The following FANCA variants were observed in gnomAD, a reference collection of about 807,000 sequenced individuals.
FANCA encodes FA complementation group A.
Under a neutral mutation model 194.3 loss-of-function variants are expected in FANCA, and 236 were observed. The observed-to-expected ratio is 1.21, with a 90% CI of 1.09 to 1.35. The LOEUF (loss-of-function observed/expected upper bound fraction) is 1.35. Among genes scored for constraint, FANCA ranks in the 40% most tolerant of loss-of-function variants. The probability of loss-of-function intolerance (pLI) is 0.00; values close to 1 mark genes in which losing one functional copy is unlikely to be tolerated. For missense variants in FANCA, 2,628 were observed against 1,813.9 expected (o/e 1.45, Z -8.15); for synonymous variants, 1,014 against 715.8 (o/e 1.42, Z -6.65).
chr16:89,807,255 G>A (rs1022289300), intron 6 of FANCA, among the ~76,000 whole-genome samples: 5 of 147,500 alleles, frequency 3.4e-5, no homozygotes, highest in East Asian at 2.0e-4. Context: ...TCAGGAGTTC[G>A]AGACCAGCCT....
At position 89,749,743 on chromosome 16, in the gene FANCA, G is replaced by T; in HGVS notation, c.3226C>A (p.Leu1076Ile). ...AASLQRQREL[L>I]MYKRILLRLP... ...AGTAGGTGTTACCGTTTGTACATTA[G>T]CAGCTCCCTCTGTCTCTGAAGGCTG... Residue 1076 changes from leucine to isoleucine, a missense_variant, in exon 32 of 43, where the codon CTA becomes ATA. By Grantham distance (5) the Leu-to-Ile change is conservative. Transcript: ENST00000389301. 1.2e-6 allele frequency: 2 copies of T among 1,613,990 alleles called. No individual in the cohort carries two copies. The highest frequency in any genetic ancestry group is 2.2e-5 in the South Asian group (2 of 91,052).
At chr16:89,774,558 G>T (rs1039849894) in intron 21 of FANCA, among the ~76,000 whole-genome samples, 2 of 151,142 alleles carry the variant, frequency 1.3e-5, no homozygotes, top group African/African-American at 4.9e-5. Context: ...GTGAAACCCT[G>T]TCTCTACTAA....
intron 6 of FANCA, among the ~76,000 whole-genome samples, chr16:89,806,991 C>A (rs2040679470): frequency 6.6e-6 from 1 of 152,078 alleles, no homozygotes; most frequent in African/African-American, 2.4e-5. Flanking sequence ...GACTCCCCCA[C>A]CTCCCTCCCG....
chr16:89,741,772 T>C (rs1050482834), intron 37 of FANCA, among the ~76,000 whole-genome samples: 5 of 152,172 alleles, frequency 3.3e-5, no homozygotes, highest in African/African-American at 9.7e-5. Context: ...AGGTCTGAGC[T>C]GTCTCACTGC....
chr16:89,792,195 G>A lies in FANCA; in HGVS notation c.1084-127C>T, dbSNP rs1371801657. The A allele has an allele frequency of 1.2e-5, 14 of 1,142,808 alleles. No individual in the cohort carries two copies. In the South Asian group the frequency reaches 1.5e-4, roughly 12 times the overall value. The allele number at this position is 1,142,808 out of a possible 1,614,324, so 70.8% of individuals were successfully genotyped here. On this transcript the variant is annotated intron_variant, in intron 12 of 42. Coordinates refer to ENST00000389301, the MANE Select transcript of FANCA (RefSeq NM_000135.4). ...CTTCCCACTGCAAAGGTAACACATG[G>A]AGCTGTGACAGCTCACACCGTGGCG...
intron 7 of FANCA, among the ~76,000 whole-genome samples, chr16:89,804,975 G>T (rs1377088591): frequency 1.3e-5 from 2 of 152,202 alleles, no homozygotes; most frequent in Non-Finnish European, 2.9e-5. Flanking sequence ...GGCGGAGGTT[G>T]CAGTGAGCTG....
At chr16:89,808,543 G>A (rs1038161723) in intron 5 of FANCA, among the ~76,000 whole-genome samples, 176 bp from the exon 6 acceptor site, 2 of 152,158 alleles carry the variant, frequency 1.3e-5, no homozygotes, top group African/African-American at 2.4e-5. Flanking sequence ...TTACAAAGCT[G>A]TACTGGTTTT....
chr16:89,766,630 G>A (rs993583163), intron 27 of FANCA, among the ~76,000 whole-genome samples: 3 of 151,868 alleles, frequency 2.0e-5, no homozygotes, highest in African/African-American at 7.3e-5. Context: ...CAGGAGAACT[G>A]CCTGAACCCG....
intron 4 of FANCA, 53 bp from the exon 5 acceptor site, chr16:89,810,855 A>C: frequency 1.2e-6 from 2 of 1,612,582 alleles, no homozygotes; most frequent in South Asian, 2.2e-5. Context: ...AACAATACTA[A>C]AGCTATGTCC....
chr16:89,745,165 C>A, intron 35 of FANCA, 94 bp from the exon 36 acceptor site: 1 of 1,162,830 alleles, frequency 8.6e-7, no homozygotes, highest in Non-Finnish European at 1.2e-6. Flanking sequence ...CTCCTACAGG[C>A]CACTACAGGC....
At chr16:89,739,694 A>G in intron 39 of FANCA, 141 bp from the exon 40 acceptor site, 3 of 1,508,122 alleles carry the variant, frequency 2.0e-6, no homozygotes, top group Non-Finnish European at 2.7e-6. Context: ...TGAGCTGAGG[A>G]TACCCAGGTA....
chr16:89,802,489 C>G (rs904947699), intron 8 of FANCA, among the ~76,000 whole-genome samples: 1 of 152,162 alleles, frequency 6.6e-6, no homozygotes, highest in East Asian at 1.9e-4. Context: ...GCAAGCTCCG[C>G]CTCCAGGTTT....
chr16:89,805,945 T>C (rs1392059506), intron 6 of FANCA, among the ~76,000 whole-genome samples: 1 of 152,054 alleles, frequency 6.6e-6, no homozygotes, highest in African/African-American at 2.4e-5. Context: ...ACAGTTTTGC[T>C]CTTGTCATCC....
chr16:89,773,215 G>C, intron 22 of FANCA, 56 bp downstream of exon 22: 2 of 1,374,044 alleles, frequency 1.5e-6, no homozygotes, highest in Admixed American at 2.0e-5. Flanking sequence ...CAGCCACAGA[G>C]CTCCAACCAC....
intron 31 of FANCA, 76 bp downstream of exon 31, chr16:89,752,062 G>A (rs1048469039): frequency 3.5e-5 from 46 of 1,331,820 alleles, no homozygotes; most frequent in Middle Eastern, 1.9e-4. Flanking sequence ...GAGCCACCGC[G>A]CCTGGCAATA....
chr16:89,793,692 T>C (rs1353520065), intron 11 of FANCA, among the ~76,000 whole-genome samples: 3 of 151,908 alleles, frequency 2.0e-5, no homozygotes, highest in Non-Finnish European at 4.4e-5. Context: ...GCAATCCACC[T>C]GCCTCAGTCT....
intron 21 of FANCA, among the ~76,000 whole-genome samples, chr16:89,773,594 T>A (rs1362781778): frequency 6.6e-6 from 1 of 151,836 alleles, no homozygotes; most frequent in Admixed American, 6.6e-5. Context: ...TAAACGAGTT[T>A]CATAAAAAAT....
chr16:89,746,473 C>A (rs768676024), intron 35 of FANCA, 111 bp downstream of exon 35: 9 of 872,212 alleles, frequency 1.0e-5, no homozygotes, highest in Non-Finnish European at 1.7e-5. Flanking sequence ...GATGCATTTT[C>A]CCTGAGATGG....
chr16:89,778,337 A>T, intron 20 of FANCA: 2 of 353,776 alleles, frequency 5.7e-6, no homozygotes, highest in South Asian at 4.1e-5. Flanking sequence ...GTGGTGGTGC[A>T]TACCTATAAT....
Sources: gnomAD v4.1 joint callset for allele counts (sites outside exome capture counted in the v4.1 genomes callset) on GRCh38, gnomAD v4.1.1 for gene constraint, MANE v1.5 for transcripts, NCBI Gene and HGNC (gene_info 2026-07-23, HGNC 2026-07-21) for gene names.